CLASP2: variants seen among roughly 807,000 people sequenced by gnomAD.
CLASP2 encodes the protein CLIP-associating protein 2.
In CLASP2, 47 loss-of-function variants were observed where a neutral mutation model predicts 194.4. That is an observed-to-expected ratio of 0.24 (90% confidence interval 0.19 to 0.31). The LOEUF (loss-of-function observed/expected upper bound fraction) is 0.31, where lower values mean the gene tolerates loss of function less well. CLASP2 is among the 10% of genes least tolerant of loss of function. CLASP2 has a pLI of 1.00. For missense variants in CLASP2, 1,445 were observed against 1,823.6 expected (o/e 0.79, Z 3.78); for synonymous variants, 619 against 633.5 (o/e 0.98, Z 0.34).
intron 7 of CLASP2, among the ~76,000 whole-genome samples, chr3:33,652,042 G>A (rs893216165): frequency 2.0e-5 from 3 of 151,906 alleles, no homozygotes; most frequent in Non-Finnish European, 4.4e-5. Context: ...CATTTTACAT[G>A]GCAAATAAAA....
At chr3:33,699,792 T>G (rs2092239024) in intron 1 of CLASP2, among the ~76,000 whole-genome samples, 1 of 151,690 alleles carries the variant, frequency 6.6e-6, no homozygotes, top group Non-Finnish European at 1.5e-5. Context: ...AAATTTATAT[T>G]GTACTTACCT....
intron 7 of CLASP2, among the ~76,000 whole-genome samples, chr3:33,650,730 A>C (rs116196674): frequency 0.019 from 2,923 of 152,236 alleles, 54 homozygotes; most frequent in African/African-American, 0.045. Flanking sequence ...AAGCGATAAA[A>C]GGAAAAAGAG....
intron 34 of CLASP2, among the ~76,000 whole-genome samples, chr3:33,530,263 C>T (rs2154126437): frequency 6.6e-6 from 1 of 152,008 alleles, no homozygotes; most frequent in African/African-American, 2.4e-5. Flanking sequence ...CTGCTTGAGC[C>T]CAGGAGTTTT....
chr3:33,506,136 A>G (rs1345438849), intron 37 of CLASP2, among the ~76,000 whole-genome samples: 2 of 152,012 alleles, frequency 1.3e-5, no homozygotes, highest in Non-Finnish European at 2.9e-5. Flanking sequence ...GCACTTTGGG[A>G]GGCCGAGGCA....
At chr3:33,683,931 C>CAAAA (rs35349805) in intron 6 of CLASP2, among the ~76,000 whole-genome samples, 1 of 78,888 alleles carries the variant, frequency 1.3e-5, no homozygotes, top group African/African-American at 5.0e-5. Context: ...GACTCTGTCT[C>CAAAA]AAAAAAAAAA....
intron 34 of CLASP2, among the ~76,000 whole-genome samples, chr3:33,528,027 C>G (rs2154121830): frequency 6.6e-6 from 1 of 152,132 alleles, no homozygotes; most frequent in African/African-American, 2.4e-5. Context: ...TGATGAACAT[C>G]AATGCAAAAT....
chr3:33,507,362 C>T (rs1402880925), intron 37 of CLASP2, among the ~76,000 whole-genome samples: 3 of 152,242 alleles, frequency 2.0e-5, no homozygotes, highest in African/African-American at 7.2e-5. Context: ...CTGAATTTGA[C>T]AGAATATACC....
At chr3:33,523,676 A>G (rs944825560) in intron 34 of CLASP2, among the ~76,000 whole-genome samples, 8 of 152,226 alleles carry the variant, frequency 5.3e-5, no homozygotes, top group Admixed American at 6.5e-5. Flanking sequence ...GGCAATTATA[A>G]AAACTACTAT....
intron 23 of CLASP2, among the ~76,000 whole-genome samples, chr3:33,579,367 T>C (rs189180827): frequency 3.9e-5 from 6 of 152,374 alleles, no homozygotes; most frequent in Admixed American, 3.9e-4. Flanking sequence ...ACTTTCACAG[T>C]AATTAGTAGT....
At chr3:33,619,119 G>GT (rs752941355) in intron 12 of CLASP2, among the ~76,000 whole-genome samples, 6 of 152,112 alleles carry the variant, frequency 3.9e-5, no homozygotes, top group Non-Finnish European at 8.8e-5. Flanking sequence ...TAACACAATA[G>GT]TAAGTATTGT....
chr3:33,500,022 T>C (rs754430208), intron 38 of CLASP2, among the ~76,000 whole-genome samples: 14 of 152,002 alleles, frequency 9.2e-5, no homozygotes, highest in Non-Finnish European at 1.9e-4. Flanking sequence ...TCAATAAATA[T>C]ACAATTCTGT....
intron 8 of CLASP2, among the ~76,000 whole-genome samples, chr3:33,639,970 GCA>G (rs1383565674): frequency 6.6e-6 from 1 of 152,114 alleles, no homozygotes; most frequent in Non-Finnish European, 1.5e-5. Flanking sequence ...GTGATCTTGG[GCA>G]CATCATTCAA....
chr3:33,692,581 CAG>C (rs1026297815), intron 2 of CLASP2, among the ~76,000 whole-genome samples: 1 of 152,138 alleles, frequency 6.6e-6, no homozygotes, highest in Non-Finnish European at 1.5e-5. Flanking sequence ...AATTACAAAA[CAG>C]AAAATTCCCT....
intron 6 of CLASP2, among the ~76,000 whole-genome samples, 159 bp downstream of exon 6, chr3:33,684,200 G>A (rs567786936): frequency 1.3e-5 from 2 of 151,628 alleles, no homozygotes; most frequent in South Asian, 4.2e-4. Context: ...AGCCAAGATC[G>A]CGCCATTGCA....
intron 29 of CLASP2, among the ~76,000 whole-genome samples, chr3:33,555,326 T>C (rs2060728540): frequency 1.3e-5 from 2 of 151,630 alleles, no homozygotes; most frequent in Admixed American, 6.6e-5. Flanking sequence ...AGTTTTAACA[T>C]ACCGGGCACA....
intron 33 of CLASP2, among the ~76,000 whole-genome samples, chr3:33,536,803 C>G (rs887751227): frequency 1.3e-5 from 2 of 152,122 alleles, no homozygotes; most frequent in African/African-American, 2.4e-5. Flanking sequence ...GCAGTGGAGA[C>G]AAAAGATTTC....
intron 34 of CLASP2, among the ~76,000 whole-genome samples, chr3:33,528,467 T>G (rs1481427023): frequency 6.6e-6 from 1 of 152,026 alleles, no homozygotes; most frequent in Non-Finnish European, 1.5e-5. Flanking sequence ...GAGAAAGAAA[T>G]AAAGGGCTTC....
intron 7 of CLASP2, 181 bp from the exon 8 acceptor site, chr3:33,645,084 T>A: frequency 1.5e-6 from 1 of 682,284 alleles, no homozygotes; most frequent in Non-Finnish European, 2.6e-6. Context: ...AATAATCCTC[T>A]GTAATTCAAA....
At chr3:33,618,284 G>A (rs887987900) in intron 12 of CLASP2, among the ~76,000 whole-genome samples, 1 of 152,118 alleles carries the variant, frequency 6.6e-6, no homozygotes, top group African/African-American at 2.4e-5. Context: ...CTTAAGAGAA[G>A]ACTAATTTAG....
Sources: gnomAD v4.1 joint callset for allele counts (sites outside exome capture counted in the v4.1 genomes callset) on GRCh38, gnomAD v4.1.1 for gene constraint, MANE v1.5 for transcripts, NCBI Gene and HGNC (gene_info 2026-07-23, HGNC 2026-07-21) for gene names.